The following TRIM35 variants were observed in gnomAD, a reference collection of about 807,000 sequenced individuals.
The protein encoded by TRIM35 is E3 ubiquitin-protein ligase TRIM35.
Under a neutral mutation model 49.1 loss-of-function variants are expected in TRIM35, and 37 were observed. The observed-to-expected ratio is 0.75, with a 90% CI of 0.58 to 0.99. The LOEUF (loss-of-function observed/expected upper bound fraction) is 0.99. Ranked by LOEUF, TRIM35 falls within the 50% of genes least tolerant of loss-of-function variation. The pLI, the probability that TRIM35 is intolerant of heterozygous loss-of-function variation, is 0.00. For missense variants in TRIM35, 648 were observed against 702.7 expected (o/e 0.92, Z 0.88); for synonymous variants, 302 against 289.3 (o/e 1.04, Z -0.45).
chr8:27,296,938 T>C (rs1445840470), intron 2 of TRIM35, among the ~76,000 whole-genome samples: 2 of 152,244 alleles, frequency 1.3e-5, no homozygotes, highest in East Asian at 1.9e-4. Flanking sequence ...GGCACTTGTA[T>C]GCATTATCTT....
At chr8:27,304,899 T>TA (rs1802753034) in intron 1 of TRIM35, 2 of 419,038 alleles carry the variant, frequency 4.8e-6, no homozygotes, top group Non-Finnish European at 9.3e-6. Context: ...GAGAAGTCTC[T>TA]ACAGTCTCCC....
intron 1 of TRIM35, 50 bp downstream of exon 1, chr8:27,310,751 T>C (rs1395101006): frequency 1.3e-6 from 2 of 1,525,282 alleles, no homozygotes; most frequent in Non-Finnish European, 1.8e-6. Flanking sequence ...GCCAAGGGAT[T>C]CCGGGTTCCA....
chr8:27,290,271 G>A, intron 3 of TRIM35, 93 bp from the exon 4 acceptor site: 1 of 1,211,864 alleles, frequency 8.3e-7, no homozygotes, highest in Non-Finnish European at 1.2e-6. Flanking sequence ...GCATTCCATG[G>A]ATCATAAGTC....
intron 1 of TRIM35, chr8:27,304,855 G>A (rs1287644905): frequency 2.2e-5 from 10 of 454,484 alleles, no homozygotes; most frequent in Admixed American, 7.2e-5. Context: ...TTCTCTCTTC[G>A]GCTATCAGGC....
At chr8:27,303,763 G>A (rs139888035) in intron 1 of TRIM35, among the ~76,000 whole-genome samples, 320 of 151,968 alleles carry the variant, frequency 2.1e-3, no homozygotes, top group Non-Finnish European at 3.4e-3. Context: ...GCGCAATCTC[G>A]GCTCACTGCA....
rs35352785 is a variant in TRIM35, at chr8:27,306,329, C to CTT, written c.435+4470_435+4471dup. 2.9e-3 allele frequency among the ~76,000 whole-genome samples: 404 copies of CTT among 141,740 alleles called. 2 individuals are homozygous for CTT. The highest frequency in any genetic ancestry group is 6.7e-3 in the African/African-American group (257 of 38,194). 93.0% of individuals were successfully genotyped at this position (141,740 alleles called of 152,430 possible). Reference sequence around the variant, plus strand: ...GCATTCGTATTTTCTTTTTTTCTTTCTTTTTTTTTTTTTTGAGACAGTGTC... The same window carrying CTT: ...GCATTCGTATTTTCTTTTTTTCTTTCTTTTTTTTTTTTTTTTGAGACAGTGTC... On this transcript the variant is annotated intron_variant, in intron 1 of 5. Coordinates refer to ENST00000305364, the MANE Select transcript of TRIM35 (RefSeq NM_171982.5).
chr8:27,287,571 G>A lies in TRIM35; in HGVS notation c.1461C>T (p.Val487=). The change falls in exon 6 of 6, where the codon GTC becomes GTT. Residue 487 remains valine (V), a synonymous_variant. Coordinates refer to ENST00000305364, the MANE Select transcript of TRIM35 (RefSeq NM_171982.5). This position sits in a 1 kb window ranked among gnomAD's most constrained non-coding sequence, Gnocchi z 6.0. The part of the protein sequence containing the change: ...PLRICPLHIS[V]KEELDG ...CAGCTCAGCCATCCAGTTCTTCCTTGACACTGATGTGCAAGGGGCAGATGC... is the reference window on the plus strand; with the variant it reads ...CAGCTCAGCCATCCAGTTCTTCCTTAACACTGATGTGCAAGGGGCAGATGC... The A allele has an allele frequency of 6.3e-7, 1 of 1,592,232 alleles. No homozygotes were observed. Among genetic ancestry groups the A allele is most frequent in the Non-Finnish European group, 8.6e-7 (1 of 1,168,526 alleles).
chr8:27,305,564 G>A (rs2095457091), intron 1 of TRIM35, among the ~76,000 whole-genome samples: 2 of 152,340 alleles, frequency 1.3e-5, no homozygotes, highest in African/African-American at 4.8e-5. Flanking sequence ...ATTGGAAGGG[G>A]GAAGACCTGG....
At chr8:27,304,646 G>A (rs1249448869) in intron 1 of TRIM35, 3 of 351,104 alleles carry the variant, frequency 8.5e-6, no homozygotes, top group Admixed American at 8.4e-5. Context: ...TCTGCAAGGT[G>A]AGAGACTTTG....
chr8:27,290,330 A>C (rs1802427352), intron 3 of TRIM35, 152 bp from the exon 4 acceptor site: 1 of 790,244 alleles, frequency 1.3e-6, no homozygotes. Flanking sequence ...TGATTTGAAC[A>C]TATTATCCAA....
At chr8:27,289,630 C>T (rs1490891195) in intron 4 of TRIM35, among the ~76,000 whole-genome samples, 5 of 152,188 alleles carry the variant, frequency 3.3e-5, no homozygotes, top group African/African-American at 1.2e-4. Context: ...TGCTCTAGTC[C>T]AACAATCCCA....
chr8:27,293,444 A>T (rs955007709), intron 3 of TRIM35, among the ~76,000 whole-genome samples: 3 of 152,196 alleles, frequency 2.0e-5, no homozygotes, highest in African/African-American at 7.2e-5. Context: ...TTATATTTAA[A>T]TAAAAAATTT....
chr8:27,299,136 G>A (rs1354868593), intron 1 of TRIM35, among the ~76,000 whole-genome samples: 3 of 152,106 alleles, frequency 2.0e-5, no homozygotes, highest in Non-Finnish European at 2.9e-5. Flanking sequence ...TGCTTGTATC[G>A]CACGGAATAC....
chr8:27,296,234 G>A (rs139305258), intron 2 of TRIM35, among the ~76,000 whole-genome samples: 3 of 150,172 alleles, frequency 2.0e-5, no homozygotes, highest in East Asian at 3.9e-4. Context: ...GTAAATGTGC[G>A]CCATGGTGGT....
chr8:27,296,883 G>T (rs971856743), intron 2 of TRIM35, among the ~76,000 whole-genome samples: 1 of 152,188 alleles, frequency 6.6e-6, no homozygotes. Context: ...CCACCAGTTT[G>T]TTGGTCTATT....
Position 27,287,534 on chromosome 8 carries a change from G to C in TRIM35, c.*16C>G, listed in dbSNP as rs758641007. 2.6e-6 allele frequency: 4 copies of C among 1,541,268 alleles called. No homozygotes were observed. In the Admixed American group the frequency reaches 7.8e-5, roughly 30 times the overall value. Reference sequence around the variant, plus strand: ...AACAGTGCTGTGGCACAAGACCGGGGCAGCCCCGGGCCAGCTCAGCCATCC... The same window carrying C: ...AACAGTGCTGTGGCACAAGACCGGGCCAGCCCCGGGCCAGCTCAGCCATCC... On this transcript the variant is annotated 3_prime_UTR_variant, in exon 6 of 6. Transcript: ENST00000305364. This position sits in a 1 kb window ranked among gnomAD's most constrained non-coding sequence, Gnocchi z 6.0.
At position 27,311,237 on chromosome 8, in the gene TRIM35, G is replaced by T; in HGVS notation, c.-2C>A. On this transcript the variant is annotated 5_prime_UTR_variant, in exon 1 of 6. Transcript: ENST00000305364. ...GGACACGTCGGGACTCCGCTCCATGGCACGAGCAGCCGGCTCGGGCGCCCG... is the reference window on the plus strand; with the variant it reads ...GGACACGTCGGGACTCCGCTCCATGTCACGAGCAGCCGGCTCGGGCGCCCG... The T allele has an allele frequency of 6.6e-7, 1 of 1,524,528 alleles. No homozygotes were observed. Among genetic ancestry groups the T allele is most frequent in the South Asian group, 1.3e-5 (1 of 78,168 alleles). The allele number at this position is 1,524,528 out of a possible 1,614,324, so 94.4% of individuals were successfully genotyped here.
At chr8:27,305,304 C>T (rs892902840) in intron 1 of TRIM35, among the ~76,000 whole-genome samples, 2 of 152,242 alleles carry the variant, frequency 1.3e-5, no homozygotes, top group East Asian at 3.8e-4. Flanking sequence ...CCAGATCTGT[C>T]TTTCCCCTTT....
In TRIM35 at chr8:27,297,287, T is replaced by C. The variant is rs189080538; in HGVS notation, c.531+1177A>G. ...GGACCAGGCATGGCTCAGCTGTGGC[T>C]AAGATGAGTCTAACAGAGTGGTAAT... On this transcript the variant is annotated intron_variant, in intron 2 of 5. Transcript: ENST00000305364. Among the ~76,000 whole-genome samples the C allele has an allele frequency of 2.1e-3, 319 of 152,284 alleles. 1 individual carries two copies. The highest frequency in any genetic ancestry group is 7.3e-3 in the African/African-American group (305 of 41,552).
Sources: allele counts gnomAD v4.1 joint callset (sites outside exome capture counted in the v4.1 genomes callset), GRCh38; gene constraint gnomAD v4.1.1; non-coding constraint Gnocchi (gnomAD v3.1); transcripts MANE v1.5; gene names NCBI Gene and HGNC (gene_info 2026-07-23, HGNC 2026-07-21).